MTMR10: variants seen among roughly 807,000 people sequenced by gnomAD.
MTMR10 encodes myotubularin related protein 10.
In MTMR10, 56 loss-of-function variants were observed where a neutral mutation model predicts 88.1. The ratio of observed to expected loss-of-function variants is 0.64; its 90% CI spans 0.51 to 0.79. The LOEUF is 0.79. Ranked by LOEUF, MTMR10 falls within the 30% of genes least tolerant of loss-of-function variation. The probability of loss-of-function intolerance (pLI) is 0.00; values close to 1 mark genes in which losing one functional copy is unlikely to be tolerated. For synonymous variants in MTMR10, 380 were observed against 340.9 expected (o/e 1.11, Z -1.26); for missense variants, 883 against 924.7 (o/e 0.95, Z 0.58).
chr15:30,928,271 C>T, the MTMR10 span: 2 of 1,208,012 alleles, frequency 1.7e-6, no homozygotes, highest in Non-Finnish European at 2.1e-6. Context: ...AGGTTATTCA[C>T]TAAAGTTTGA....
At chr15:30,945,881 T>A (rs1388374233) in intron 14 of MTMR10, among the ~76,000 whole-genome samples, 1 of 152,200 alleles carries the variant, frequency 6.6e-6, no homozygotes, top group Non-Finnish European at 1.5e-5. Context: ...CTCTGCCTCC[T>A]GGGCTTAAGC....
Position 30,960,791 on chromosome 15 carries a change from C to A in MTMR10, c.758+90G>T. On this transcript the variant is annotated intron_variant, in intron 7 of 15. Transcript: ENST00000435680. ...AAAACAAATATTCCATTAACCACAACTTGAAAGTCATCAATGACAACAGAG... is the reference window on the plus strand; with the variant it reads ...AAAACAAATATTCCATTAACCACAAATTGAAAGTCATCAATGACAACAGAG... 5 of 1,346,318 alleles carry A rather than the reference C, an allele frequency of 3.7e-6. No individual in the cohort carries two copies. The South Asian group carries it at 9.2e-5, about 25-fold the overall frequency. 83.4% of individuals were successfully genotyped at this position (1,346,318 alleles called of 1,614,324 possible).
In MTMR10 at chr15:30,976,999, T is replaced by C. The variant is rs774655377; in HGVS notation, c.122-44A>G. The C allele has an allele frequency of 2.2e-5, 34 of 1,576,826 alleles. No homozygotes were observed. In the South Asian group the frequency reaches 2.8e-4, roughly 13 times the overall value. On this transcript the variant is annotated intron_variant, in intron 2 of 15. Transcript: ENST00000435680. ...ATTTGTAAGGTACTTTGTCATAAAATACCAACGGTCTTTGTGGGACCTAGA... is the reference window on the plus strand; with the variant it reads ...ATTTGTAAGGTACTTTGTCATAAAACACCAACGGTCTTTGTGGGACCTAGA...
downstream of MTMR10, among the ~76,000 whole-genome samples, chr15:30,934,154 T>C (rs1254451410): frequency 6.6e-6 from 1 of 152,212 alleles, no homozygotes; most frequent in Non-Finnish European, 1.5e-5. Flanking sequence ...GTCTACCCTT[T>C]TATCATTATG....
intron 11 of MTMR10, among the ~76,000 whole-genome samples, chr15:30,952,659 A>G (rs571651932): frequency 1.6e-4 from 24 of 151,012 alleles, no homozygotes; most frequent in Admixed American, 1.5e-3. Context: ...ATGCCTGGCT[A>G]GTTTCCAACT....
At chr15:30,929,247 A>ACGCC in the MTMR10 span, 1 of 1,613,432 alleles carries the variant, frequency 6.2e-7, no homozygotes, top group Non-Finnish European at 8.5e-7. Context: ...TCACAAGCAG[A>ACGCC]CGCCCAGCCC....
the MTMR10 span, among the ~76,000 whole-genome samples, chr15:30,932,114 T>C: frequency 3.8e-4 from 57 of 148,546 alleles, 1 homozygote; most frequent in East Asian, 0.01. Flanking sequence ...CCCAGCTACT[T>C]GGGAGGCTGA....
chr15:30,987,481 G>A (rs1364190263), intron 2 of MTMR10, among the ~76,000 whole-genome samples: 1 of 152,110 alleles, frequency 6.6e-6, no homozygotes, highest in East Asian at 1.9e-4. Flanking sequence ...TAAAAGATGA[G>A]GATCATTTTG....
the MTMR10 span, among the ~76,000 whole-genome samples, chr15:30,922,862 T>C: frequency 2.6e-5 from 4 of 152,368 alleles, no homozygotes; most frequent in South Asian, 8.3e-4. Flanking sequence ...TTGTTTGACC[T>C]TGAGCAGGCA....
the MTMR10 span, chr15:30,928,108 G>C: frequency 1.0e-6 from 1 of 1,000,238 alleles, no homozygotes; most frequent in African/African-American, 1.7e-5. Context: ...GCCTCCGGGA[G>C]GTCCCCTTAG....
At chr15:30,969,398 A>T (rs188189583) in intron 5 of MTMR10, among the ~76,000 whole-genome samples, 1 of 152,250 alleles carries the variant, frequency 6.6e-6, no homozygotes, top group East Asian at 1.9e-4. Flanking sequence ...TCTTTTTAAC[A>T]GTTTTCCTTA....
At chr15:30,983,547 G>A (rs1411198113) in intron 2 of MTMR10, among the ~76,000 whole-genome samples, 2 of 152,176 alleles carry the variant, frequency 1.3e-5, no homozygotes, top group African/African-American at 4.8e-5. Context: ...CAGAAATAAT[G>A]TTTCCCATAC....
At chr15:30,970,913 G>C (rs1391237377) in intron 5 of MTMR10, among the ~76,000 whole-genome samples, 2 of 152,144 alleles carry the variant, frequency 1.3e-5, no homozygotes, top group Admixed American at 6.6e-5. Flanking sequence ...TGGGGTGGCA[G>C]AACTCGAACT....
intron 2 of MTMR10, among the ~76,000 whole-genome samples, chr15:30,986,976 T>C (rs1392963921): frequency 1.3e-5 from 2 of 152,172 alleles, no homozygotes; most frequent in Admixed American, 6.5e-5. Flanking sequence ...CACAAACATA[T>C]ATACACACAC....
intron 9 of MTMR10, among the ~76,000 whole-genome samples, chr15:30,958,262 G>C (rs2063353972): frequency 6.6e-6 from 1 of 152,246 alleles, no homozygotes; most frequent in South Asian, 2.1e-4. Context: ...AGAAGAGGAT[G>C]GGTCTGCAGA....
chr15:30,982,605 C>T (rs1353435665), intron 2 of MTMR10, among the ~76,000 whole-genome samples: 1 of 152,230 alleles, frequency 6.6e-6, no homozygotes, highest in Admixed American at 6.5e-5. Flanking sequence ...GAGCAAAGAA[C>T]AGAAGTACAG....
intron 2 of MTMR10, among the ~76,000 whole-genome samples, chr15:30,983,601 C>T (rs927239243): frequency 2.6e-5 from 4 of 152,190 alleles, no homozygotes; most frequent in Non-Finnish European, 5.9e-5. Flanking sequence ...TCACGGCACA[C>T]GTGGCTAATT....
intron 7 of MTMR10, among the ~76,000 whole-genome samples, chr15:30,959,595 G>A (rs921828718): frequency 6.6e-6 from 1 of 152,202 alleles, no homozygotes; most frequent in Non-Finnish European, 1.5e-5. Context: ...TAGTGGGCAA[G>A]CTCACTGCAC....
At chr15:30,929,792 A>ATAAAAT in the MTMR10 span, among the ~76,000 whole-genome samples, 34 of 51,376 alleles carry the variant, frequency 6.6e-4, 6 homozygotes, top group African/African-American at 3.2e-3. Context: ...TATCATATAT[A>ATAAAAT]ATATAATATA....
Sources: gnomAD v4.1 joint callset for allele counts (sites outside exome capture counted in the v4.1 genomes callset) on GRCh38, gnomAD v4.1.1 for gene constraint, MANE v1.5 for transcripts, NCBI Gene and HGNC (gene_info 2026-07-23, HGNC 2026-07-21) for gene names.